Variants in DNAH6 observed in about 807,000 individuals in gnomAD.
DNAH6 encodes axonemal beta dynein heavy chain 6.
In DNAH6, 340 loss-of-function variants were observed where a neutral mutation model predicts 491.4. That is an observed-to-expected ratio of 0.69 (90% CI 0.63 to 0.76). The LOEUF (loss-of-function observed/expected upper bound fraction) is 0.76. Ranked by LOEUF, DNAH6 falls within the 30% of genes least tolerant of loss-of-function variation. The pLI, the probability that DNAH6 is intolerant of heterozygous loss-of-function variation, is 0.00. For missense variants in DNAH6, 4,443 were observed against 4,972.2 expected (o/e 0.89, Z 3.20); for synonymous variants, 1,603 against 1,686.1 (o/e 0.95, Z 1.21).
chr2:84,717,301 CTTAT>C (rs1697631085), intron 58 of DNAH6, among the ~76,000 whole-genome samples: 3 of 152,194 alleles, frequency 2.0e-5, no homozygotes, highest in Admixed American at 6.5e-5. Flanking sequence ...TTCTGAAAAA[CTTAT>C]TTAAACAATT....
At chr2:84,509,917 C>A in the DNAH6 span, among the ~76,000 whole-genome samples, 1 of 152,148 alleles carries the variant, frequency 6.6e-6, no homozygotes, top group African/African-American at 2.4e-5. Flanking sequence ...CTCTCTTCTG[C>A]CTTGTAGAGT....
At chr2:84,619,439 T>A (rs1045379312) in intron 23 of DNAH6, among the ~76,000 whole-genome samples, 3 of 152,164 alleles carry the variant, frequency 2.0e-5, no homozygotes, top group African/African-American at 7.2e-5. Context: ...ATGAACAATA[T>A]CTATCTTTTA....
intron 70 of DNAH6, among the ~76,000 whole-genome samples, chr2:84,802,518 T>C (rs1027542756): frequency 6.6e-6 from 1 of 152,124 alleles, no homozygotes; most frequent in East Asian, 1.9e-4. Context: ...CCTAAATATA[T>C]ATGCTCCCAA....
intron 2 of DNAH6, among the ~76,000 whole-genome samples, chr2:84,518,907 C>T (rs1001580753): frequency 2.6e-5 from 4 of 152,046 alleles, no homozygotes; most frequent in African/African-American, 4.8e-5. Flanking sequence ...ATAAGCCAAA[C>T]GCATGGGCTC....
chr2:84,464,309 C>T, the DNAH6 span, among the ~76,000 whole-genome samples: 1 of 152,180 alleles, frequency 6.6e-6, no homozygotes, highest in Non-Finnish European at 1.5e-5. Context: ...TACCATTTAG[C>T]TGCATCTTGC....
intron 64 of DNAH6, among the ~76,000 whole-genome samples, chr2:84,780,931 A>T (rs1676628451): frequency 6.6e-6 from 1 of 152,106 alleles, no homozygotes; most frequent in Non-Finnish European, 1.5e-5. Flanking sequence ...GCTTTCACAG[A>T]TGTTGTGTGA....
At chr2:84,711,402 G>A (rs539722242) in intron 56 of DNAH6, among the ~76,000 whole-genome samples, 13 of 152,318 alleles carry the variant, frequency 8.5e-5, no homozygotes, top group African/African-American at 1.9e-4. Flanking sequence ...CAGTTTAACC[G>A]TGCCTAGAAG....
Position 84,653,335 on chromosome 2 carries a change from C to T in DNAH6, c.5095C>T (p.Leu1699Phe). 1 of 1,531,276 alleles carries T rather than the reference C, an allele frequency of 6.5e-7. No individual in the cohort carries two copies. Among genetic ancestry groups the T allele is most frequent in the South Asian group, 1.2e-5 (1 of 81,252 alleles). The allele number at this position is 1,531,276 out of a possible 1,614,324, so 94.9% of individuals were successfully genotyped here. Residue 1699 changes from leucine to phenylalanine, a missense_variant, in exon 34 of 77, where the codon CTT (leucine) becomes TTT (phenylalanine). This residue lies in a region of DNAH6 where 2,977 missense variants were observed against 3,296.6 expected (regional missense o/e 0.90). Coordinates refer to ENST00000389394, the MANE Select transcript of DNAH6 (RefSeq NM_001370.2). ...ALLFSGIISD[L>F]FPGVQIPEHD... ...TTTTGACAGTGGAATCATATCTGAC[C>T]TTTTTCCTGGAGTCCAAATTCCAGA...
intron 56 of DNAH6, among the ~76,000 whole-genome samples, chr2:84,711,419 T>C (rs1316983887): frequency 6.6e-6 from 1 of 152,218 alleles, no homozygotes; most frequent in Non-Finnish European, 1.5e-5. Flanking sequence ...GAAGTATCAC[T>C]GCGTCATCAG....
chr2:84,478,292 T>C, the DNAH6 span, among the ~76,000 whole-genome samples: 3 of 152,204 alleles, frequency 2.0e-5, no homozygotes, highest in Non-Finnish European at 4.4e-5. Context: ...AGCACAATTC[T>C]AAGAAAGAAC....
chr2:84,654,249 G>A (rs1164164569), intron 34 of DNAH6, among the ~76,000 whole-genome samples: 1 of 152,114 alleles, frequency 6.6e-6, no homozygotes, highest in African/African-American at 2.4e-5. Context: ...TGAGGGATTG[G>A]GAGAGGAATG....
At chr2:84,622,122 C>G (rs1243302673) in intron 26 of DNAH6, among the ~76,000 whole-genome samples, 2 of 152,158 alleles carry the variant, frequency 1.3e-5, no homozygotes, top group Admixed American at 6.5e-5. Context: ...CTCCCTAGCT[C>G]CCTGTAATCA....
chr2:84,735,139 G>T (rs1699432674), intron 62 of DNAH6, among the ~76,000 whole-genome samples: 1 of 152,190 alleles, frequency 6.6e-6, no homozygotes, highest in African/African-American at 2.4e-5. Context: ...TTGTAAGTGA[G>T]ACCATACAGT....
intron 11 of DNAH6, among the ~76,000 whole-genome samples, chr2:84,566,899 C>T (rs1050803718): frequency 6.6e-6 from 1 of 151,878 alleles, no homozygotes; most frequent in Non-Finnish European, 1.5e-5. Context: ...TTTTCATAAA[C>T]GTAGCTGGTA....
At chr2:84,761,278 A>G (rs544031883) in intron 63 of DNAH6, among the ~76,000 whole-genome samples, 1 of 152,240 alleles carries the variant, frequency 6.6e-6, no homozygotes, top group African/African-American at 2.4e-5. Context: ...TTATGTACAC[A>G]TGAATGTAGA....
intron 58 of DNAH6, among the ~76,000 whole-genome samples, chr2:84,716,284 C>T (rs1370490325): frequency 6.6e-6 from 1 of 150,800 alleles, no homozygotes; most frequent in Non-Finnish European, 1.5e-5. Context: ...GTTCATGAGA[C>T]AAACTTTAAA....
At chr2:84,515,812 A>G (rs567908817), upstream of DNAH6, among the ~76,000 whole-genome samples, 7 of 152,298 alleles carry the variant, frequency 4.6e-5, no homozygotes, top group South Asian at 1.5e-3. Context: ...TCACTTGGGA[A>G]CTTAAGTGAG....
intron 63 of DNAH6, among the ~76,000 whole-genome samples, chr2:84,748,066 T>C (rs1673133454): frequency 6.6e-6 from 1 of 152,188 alleles, no homozygotes. Context: ...GGACCTGCAA[T>C]GGAAGGGACT....
chr2:84,500,972 G>T, the DNAH6 span, among the ~76,000 whole-genome samples: 1 of 152,144 alleles, frequency 6.6e-6, no homozygotes, highest in Non-Finnish European at 1.5e-5. Context: ...TGTCTGCAAA[G>T]AAGGATAATT....
Sources: gnomAD v4.1 joint callset for allele counts (sites outside exome capture counted in the v4.1 genomes callset) on GRCh38, gnomAD v4.1.1 for gene constraint, gnomAD v4.1.1 regional missense constraint, MANE v1.5 for transcripts, NCBI Gene and HGNC (gene_info 2026-07-23, HGNC 2026-07-21) for gene names.